Variants in SUGCT observed in about 807,000 individuals in gnomAD.
SUGCT encodes succinyl-CoA:glutarate-CoA transferase, also known as succinyl-CoA:glutarate CoA-transferase.
In SUGCT, 41 loss-of-function variants were observed where a neutral mutation model predicts 55.0. That is an observed-to-expected ratio of 0.74 (90% CI 0.58 to 0.97). The LOEUF (loss-of-function observed/expected upper bound fraction) is 0.97. SUGCT is among the 50% of genes least tolerant of loss of function. The pLI is 0.00. For missense variants in SUGCT, 568 were observed against 547.8 expected (o/e 1.04, Z -0.37); for synonymous variants, 187 against 200.4 (o/e 0.93, Z 0.56).
chr7:40,249,669 C>A (rs2150926849), intron 7 of SUGCT, among the ~76,000 whole-genome samples: 1 of 152,102 alleles, frequency 6.6e-6, no homozygotes, highest in Non-Finnish European at 1.5e-5. Flanking sequence ...TTAATTCATG[C>A]ACCTTTCTAA....
intron 1 of SUGCT, among the ~76,000 whole-genome samples, chr7:40,170,757 C>G (rs1784632774): frequency 6.6e-6 from 1 of 152,016 alleles, no homozygotes; most frequent in African/African-American, 2.4e-5. Flanking sequence ...CCCAACATTG[C>G]CTTTGCACTC....
chr7:40,810,505 A>C (rs941801597), intron 13 of SUGCT, among the ~76,000 whole-genome samples: 1 of 152,022 alleles, frequency 6.6e-6, no homozygotes, highest in African/African-American at 2.4e-5. Context: ...TTTGCCTTTC[A>C]CTGATGATTA....
intron 13 of SUGCT, among the ~76,000 whole-genome samples, chr7:40,809,266 A>C (rs1426592890): frequency 1.3e-5 from 2 of 152,186 alleles, no homozygotes; most frequent in African/African-American, 4.8e-5. Flanking sequence ...GCTTTAGCTC[A>C]TATTTGGTGT....
At chr7:40,311,069 T>C (rs1795122565) in intron 8 of SUGCT, among the ~76,000 whole-genome samples, 1 of 152,194 alleles carries the variant, frequency 6.6e-6, no homozygotes, top group South Asian at 2.1e-4. Context: ...CTTCTCTCCC[T>C]GATTTCCGTT....
intron 6 of SUGCT, among the ~76,000 whole-genome samples, chr7:40,206,977 T>C (rs1787010739): frequency 6.6e-6 from 1 of 151,928 alleles, no homozygotes; most frequent in Non-Finnish European, 1.5e-5. Context: ...GGCAGGAGGA[T>C]TGCTTGAGCC....
intron 8 of SUGCT, among the ~76,000 whole-genome samples, chr7:40,290,525 C>A (rs1260965613): frequency 2.6e-5 from 4 of 152,016 alleles, no homozygotes; most frequent in African/African-American, 7.2e-5. Flanking sequence ...TAAAGACTTA[C>A]ATGTTAGACC....
intron 8 of SUGCT, among the ~76,000 whole-genome samples, chr7:40,312,473 G>A (rs12670884): frequency 0.12 from 17,853 of 151,930 alleles, 1,290 homozygotes; most frequent in Non-Finnish European, 0.17. Flanking sequence ...TTTTTTCCAA[G>A]TTTCCATCCC....
At chr7:40,854,448 C>CT (rs909142143) in intron 13 of SUGCT, among the ~76,000 whole-genome samples, 2 of 141,894 alleles carry the variant, frequency 1.4e-5, no homozygotes, top group African/African-American at 5.4e-5. Context: ...TTCTTTCTTT[C>CT]TTTCTTTCTT....
At chr7:40,432,930 A>G (rs916700158) in intron 9 of SUGCT, among the ~76,000 whole-genome samples, 3 of 151,942 alleles carry the variant, frequency 2.0e-5, no homozygotes, top group Admixed American at 2.0e-4. Context: ...GTGAACTTAT[A>G]TAATGTGCCT....
chr7:40,380,918 A>G (rs1000630609), intron 9 of SUGCT, among the ~76,000 whole-genome samples: 2 of 152,190 alleles, frequency 1.3e-5, no homozygotes, highest in African/African-American at 4.8e-5. Flanking sequence ...TGTGAAATCA[A>G]ATGAAAACTT....
intron 9 of SUGCT, among the ~76,000 whole-genome samples, chr7:40,346,438 G>A (rs1797310350): frequency 6.6e-6 from 1 of 151,882 alleles, no homozygotes; most frequent in Admixed American, 6.6e-5. Context: ...AACAGGATAG[G>A]GAATATAGGT....
chr7:40,575,353 C>A (rs79966273), intron 12 of SUGCT, among the ~76,000 whole-genome samples: 9,861 of 152,050 alleles, frequency 0.065, 439 homozygotes, highest in Middle Eastern at 0.092. Flanking sequence ...ACAACAACAA[C>A]AAAAAACTAA....
intron 5 of SUGCT, among the ~76,000 whole-genome samples, chr7:40,192,036 A>G (rs886955662): frequency 7.2e-6 from 1 of 138,224 alleles, no homozygotes; most frequent in Non-Finnish European, 1.5e-5. Flanking sequence ...TGAACCCGAC[A>G]GGCGGAGGTT....
chr7:40,196,423 G>C (rs1584315242), intron 6 of SUGCT, among the ~76,000 whole-genome samples: 1 of 152,180 alleles, frequency 6.6e-6, no homozygotes, highest in East Asian at 1.9e-4. Flanking sequence ...AAATCCATCT[G>C]TGCTCTCTAG....
chr7:40,498,967 A>G (rs766449550), intron 12 of SUGCT: 20 of 421,370 alleles, frequency 4.7e-5, no homozygotes, highest in Non-Finnish European at 8.1e-5. Flanking sequence ...AAATCCTTTT[A>G]TTTTTCATTT....
chr7:40,603,045 C>T (rs1355995938), intron 12 of SUGCT, among the ~76,000 whole-genome samples: 5 of 152,162 alleles, frequency 3.3e-5, no homozygotes, highest in Non-Finnish European at 5.9e-5. Context: ...ATGTGAACTT[C>T]TAGGGAAGTT....
chr7:40,948,879 A>C, the SUGCT span, among the ~76,000 whole-genome samples: 3 of 152,142 alleles, frequency 2.0e-5, no homozygotes, highest in Non-Finnish European at 4.4e-5. Flanking sequence ...GTTGGTTCCA[A>C]GTCTTTGCTA....
chr7:40,951,079 C>T, the SUGCT span, among the ~76,000 whole-genome samples: 5 of 152,068 alleles, frequency 3.3e-5, no homozygotes, highest in Admixed American at 6.6e-5. Flanking sequence ...GCTGTGAATC[C>T]ATCTGGTCCT....
At chr7:40,431,635 G>A (rs895051009) in intron 9 of SUGCT, among the ~76,000 whole-genome samples, 5 of 152,030 alleles carry the variant, frequency 3.3e-5, no homozygotes, top group African/African-American at 9.7e-5. Flanking sequence ...AATTTTCAGT[G>A]TAGAGTTCTT....
Sources: allele counts gnomAD v4.1 joint callset (sites outside exome capture counted in the v4.1 genomes callset), GRCh38; gene constraint gnomAD v4.1.1; transcripts MANE v1.5; gene names NCBI Gene and HGNC (gene_info 2026-07-23, HGNC 2026-07-21).